Variants in CTNND2 observed in about 807,000 individuals in gnomAD.
CTNND2 encodes catenin delta-2.
A neutral mutation model predicts 144.4 loss-of-function variants in CTNND2; 22 were observed. That is an observed-to-expected ratio of 0.15 (90% confidence interval 0.11 to 0.22). The LOEUF is 0.22. Among genes scored for constraint, CTNND2 ranks in the 10% least tolerant of loss-of-function variants. The pLI is 1.00. For missense variants in CTNND2, 1,353 were observed against 1,618.8 expected (o/e 0.84, Z 2.82); for synonymous variants, 751 against 695.6 (o/e 1.08, Z -1.25).
intron 2 of CTNND2, among the ~76,000 whole-genome samples, chr5:11,724,990 C>T (rs544646420): frequency 1.3e-5 from 2 of 152,122 alleles, no homozygotes; most frequent in East Asian, 3.9e-4. Flanking sequence ...CTTCCTGAGG[C>T]TATGAGTAGA....
At chr5:11,278,524 G>A (rs1464847190) in intron 9 of CTNND2, among the ~76,000 whole-genome samples, 3 of 152,120 alleles carry the variant, frequency 2.0e-5, no homozygotes, top group Non-Finnish European at 4.4e-5. Context: ...ATAGGAAAAG[G>A]GGGAGTGGGA....
intron 1 of CTNND2, among the ~76,000 whole-genome samples, chr5:11,779,775 T>C (rs372937264): frequency 7.2e-5 from 11 of 152,338 alleles, no homozygotes; most frequent in African/African-American, 2.6e-4. Flanking sequence ...TCCTTAAAAA[T>C]AGTTCAGTTT....
chr5:11,342,956 A>ATACAAT (rs1421625200), intron 9 of CTNND2, among the ~76,000 whole-genome samples: 4 of 152,370 alleles, frequency 2.6e-5, no homozygotes, highest in African/African-American at 9.6e-5. Context: ...GGAAAATAAC[A>ATACAAT]TACAATTACA....
intron 3 of CTNND2, among the ~76,000 whole-genome samples, chr5:11,557,255 T>A (rs1776304434): frequency 6.6e-6 from 1 of 152,218 alleles, no homozygotes; most frequent in Admixed American, 6.5e-5. Flanking sequence ...ATAAGTTTTG[T>A]CAAGTCAGAC....
intron 1 of CTNND2, among the ~76,000 whole-genome samples, chr5:11,838,109 C>T (rs1445737315): frequency 6.6e-6 from 1 of 152,042 alleles, no homozygotes; most frequent in African/African-American, 2.4e-5. Flanking sequence ...TTTTTTTGCA[C>T]CTTGTATTCT....
At chr5:11,129,555 C>A (rs1204216728) in intron 12 of CTNND2, among the ~76,000 whole-genome samples, 1 of 151,084 alleles carries the variant, frequency 6.6e-6, no homozygotes, top group Non-Finnish European at 1.5e-5. Flanking sequence ...TCATCAGCTA[C>A]AAGAATGCCA....
At chr5:11,537,056 G>C (rs1040177386) in intron 3 of CTNND2, among the ~76,000 whole-genome samples, 1 of 151,458 alleles carries the variant, frequency 6.6e-6, no homozygotes, top group Admixed American at 6.6e-5. Context: ...CAGCAGGTGG[G>C]GGGAAGGAGG....
chr5:11,427,980 T>C (rs190148479), intron 3 of CTNND2, among the ~76,000 whole-genome samples: 2 of 152,096 alleles, frequency 1.3e-5, no homozygotes, highest in African/African-American at 2.4e-5. Flanking sequence ...ACTTCTTACA[T>C]GGTGACAGCA....
chr5:11,891,503 C>T (rs2400098), intron 1 of CTNND2, among the ~76,000 whole-genome samples: 2,683 of 152,150 alleles, frequency 0.018, 83 homozygotes, highest in African/African-American at 0.057. Context: ...TCCTAGCCCC[C>T]GATGTGATGG....
chr5:11,417,650 T>C (rs1762032212), intron 3 of CTNND2, among the ~76,000 whole-genome samples: 2 of 152,210 alleles, frequency 1.3e-5, no homozygotes, highest in South Asian at 4.1e-4. Context: ...CCTGACAATA[T>C]TAAGTGTGGG....
chr5:11,722,157 T>C (rs1786724813), intron 2 of CTNND2, among the ~76,000 whole-genome samples: 1 of 152,240 alleles, frequency 6.6e-6, no homozygotes, highest in Non-Finnish European at 1.5e-5. Context: ...TAGCTTTCAA[T>C]AATAGACTGC....
Position 11,240,834 on chromosome 5 carries a change from C to A in CTNND2, c.1629-4011G>T, listed in dbSNP as rs532217292. 1.9e-4 allele frequency among the ~76,000 whole-genome samples: 27 copies of A among 141,112 alleles called. 1 individual carries two copies. In the South Asian group the frequency reaches 2.3e-3, roughly 12 times the overall value. The allele number at this position is 141,112 out of a possible 152,430, so 92.6% of individuals were successfully genotyped here. A position where few individuals can be genotyped will look rare whatever the true frequency, so the allele number is the denominator to read the frequency against. On this transcript the variant is annotated intron_variant, in intron 9 of 21. Coordinates refer to ENST00000304623, the MANE Select transcript of CTNND2 (RefSeq NM_001332.4). Reference sequence around the variant, plus strand: ...ACACACATACACTCAGCACACACACCCCCCAACACACACCCAACACATACA... The same window carrying A: ...ACACACATACACTCAGCACACACACACCCCAACACACACCCAACACATACA...
chr5:11,646,496 T>C (rs1016788118), intron 2 of CTNND2, among the ~76,000 whole-genome samples: 7 of 152,320 alleles, frequency 4.6e-5, no homozygotes, highest in Admixed American at 3.9e-4. Flanking sequence ...TGCCTGAACG[T>C]TTCCTTGGAA....
At chr5:11,412,911 G>C (rs1761656347) in intron 3 of CTNND2, among the ~76,000 whole-genome samples, 1 of 152,140 alleles carries the variant, frequency 6.6e-6, no homozygotes, top group Admixed American at 6.6e-5. Context: ...TCTCTGAATA[G>C]TTCATTAGTT....
At chr5:11,514,563 G>A (rs1207319593) in intron 3 of CTNND2, among the ~76,000 whole-genome samples, 8 of 152,132 alleles carry the variant, frequency 5.3e-5, no homozygotes, top group Non-Finnish European at 8.8e-5. Context: ...ATTTTACTGT[G>A]TCCTTTAAGC....
chr5:11,267,445 C>G lies in CTNND2; in HGVS notation c.1629-30622G>C, dbSNP rs187860417. Among the ~76,000 whole-genome samples, 27 of 152,268 alleles carry G rather than the reference C, an allele frequency of 1.8e-4. No individual in the cohort carries two copies. In the East Asian group the frequency reaches 4.8e-3, roughly 27 times the overall value. On this transcript the variant is annotated intron_variant, in intron 9 of 21. Transcript: ENST00000304623. ...GGAAAGCCATTTGAGTGCCTGCAAT[C>G]CAGCCACCACTAGATGTCACCAGTC...
intron 3 of CTNND2, among the ~76,000 whole-genome samples, chr5:11,459,978 T>C (rs536492978): frequency 3.9e-5 from 6 of 152,298 alleles, no homozygotes; most frequent in African/African-American, 1.4e-4. Context: ...TATTGCAAAA[T>C]TCATACTTAG....
At chr5:11,280,347 A>G (rs1746987543) in intron 9 of CTNND2, among the ~76,000 whole-genome samples, 1 of 152,238 alleles carries the variant, frequency 6.6e-6, no homozygotes, top group Non-Finnish European at 1.5e-5. Flanking sequence ...ACAAAATACC[A>G]GACTGGGTGG....
chr5:11,774,473 C>T (rs562404377), intron 1 of CTNND2, among the ~76,000 whole-genome samples: 63 of 146,208 alleles, frequency 4.3e-4, no homozygotes, highest in Non-Finnish European at 7.2e-4. Flanking sequence ...GTGGGTGCAG[C>T]GCACCAGCAT....
Sources: allele counts gnomAD v4.1 joint callset (sites outside exome capture counted in the v4.1 genomes callset), GRCh38; gene constraint gnomAD v4.1.1; transcripts MANE v1.5; gene names NCBI Gene and HGNC (gene_info 2026-07-23, HGNC 2026-07-21).